The following BCAS3 variants were observed in gnomAD, a reference collection of about 807,000 sequenced individuals.
BCAS3 encodes BCAS3 microtubule associated cell migration factor.
Under a neutral mutation model 116.1 loss-of-function variants are expected in BCAS3, and 53 were observed. The observed-to-expected ratio is 0.46, with a 90% CI of 0.37 to 0.57. The LOEUF (loss-of-function observed/expected upper bound fraction) is 0.57. BCAS3 is among the 20% of genes least tolerant of loss of function. The probability of loss-of-function intolerance (pLI) is 0.00; values close to 1 mark genes in which losing one functional copy is unlikely to be tolerated. For missense variants in BCAS3, 917 were observed against 1,165.4 expected, an observed-to-expected ratio of 0.79 and a Z score of 3.10; for synonymous variants, 391 against 408.2, an observed-to-expected ratio of 0.96 and a Z score of 0.51.
Position 61,388,816 on chromosome 17 carries a change from C to T in BCAS3, c.2594-3161C>T. On this transcript the variant is annotated intron_variant, in intron 23 of 23. Coordinates refer to ENST00000407086, the MANE Select transcript of BCAS3 (RefSeq NM_017679.5). The surrounding 1 kb of genome is among the most constrained non-coding windows in gnomAD (Gnocchi z 6.5). The stretch of plus-strand genomic sequence containing the variant: ...TCCTCCCCTCCACTTCCCACACACA[C>T]CCCTGCCTGCAGGGGGAGGAGCAGA... 1.9e-6 allele frequency: 2 copies of T among 1,074,952 alleles called. No individual in the cohort carries two copies. Among genetic ancestry groups the T allele is most frequent in the East Asian group, 2.6e-5 (1 of 38,260 alleles). 66.6% of individuals were successfully genotyped at this position (1,074,952 alleles called of 1,614,324 possible). A position where few individuals can be genotyped will look rare whatever the true frequency, so the allele number is the denominator to read the frequency against.
chr17:60,943,784 A>G (rs777519730), intron 13 of BCAS3, among the ~76,000 whole-genome samples: 3 of 152,150 alleles, frequency 2.0e-5, no homozygotes, highest in Non-Finnish European at 4.4e-5. Flanking sequence ...TAACAAATGT[A>G]AAAGAAGTAA....
chr17:61,190,248 G>C (rs1323156032), intron 22 of BCAS3, among the ~76,000 whole-genome samples: 1 of 152,080 alleles, frequency 6.6e-6, no homozygotes, highest in Non-Finnish European at 1.5e-5. Flanking sequence ...TAGCTTGGCT[G>C]GGTGCGGTGG....
rs1372000133 is a variant in BCAS3 at position 61,213,024 on chromosome 17, CTAGA to C, written c.2425+128464_2425+128467del. Among the ~76,000 whole-genome samples the C allele has an allele frequency of 6.6e-6, 1 of 152,090 alleles. No homozygotes were observed. The highest frequency in any genetic ancestry group is 2.4e-5 in the African/African-American group (1 of 41,424). ...TTTATGTTTTAGATTTGAATCCCAACTAGATAGTTTGGGATAGTTCTTTGGGGCA... is the reference window on the plus strand; with the variant it reads ...TTTATGTTTTAGATTTGAATCCCAACTAGTTTGGGATAGTTCTTTGGGGCA... On this transcript the variant is annotated intron_variant, in intron 22 of 23. Coordinates refer to ENST00000407086, the MANE Select transcript of BCAS3 (RefSeq NM_017679.5). The surrounding 1 kb of genome is among the most constrained non-coding windows in gnomAD (Gnocchi z 5.4).
intron 17 of BCAS3, among the ~76,000 whole-genome samples, chr17:61,035,582 C>CAAAA (rs61144658): frequency 1.5e-4 from 10 of 65,248 alleles, no homozygotes; most frequent in African/African-American, 4.9e-4. Context: ...GACTCCATCT[C>CAAAA]AAAAAAAAAA....
intron 11 of BCAS3, among the ~76,000 whole-genome samples, chr17:60,909,983 G>C (rs1371208466): frequency 6.6e-6 from 1 of 152,136 alleles, no homozygotes; most frequent in Non-Finnish European, 1.5e-5. Flanking sequence ...GACAGAGATT[G>C]TGTTTTCCAT....
chr17:61,169,309 A>G (rs946956403), intron 22 of BCAS3, among the ~76,000 whole-genome samples: 4 of 152,242 alleles, frequency 2.6e-5, no homozygotes. Context: ...GTTTTTGAGA[A>G]GTCTGGAATG....
In BCAS3 at chr17:61,337,206, A is replaced by C. The variant is rs1214103266; in HGVS notation, c.2426-31121A>C. On this transcript the variant is annotated intron_variant, in intron 22 of 23. Coordinates refer to ENST00000407086, the MANE Select transcript of BCAS3 (RefSeq NM_017679.5). The surrounding 1 kb of genome is among the most constrained non-coding windows in gnomAD (Gnocchi z 4.8). ...TTTTATACTTTATTTAAATCGCCTC[A>C]CCCGAGTGGAACAGGGACGTGAGCC... Among the ~76,000 whole-genome samples, 1 of 152,150 alleles carries C rather than the reference A, an allele frequency of 6.6e-6. No homozygotes were observed.
At chr17:60,686,120 G>A (rs1163855594) in intron 3 of BCAS3, among the ~76,000 whole-genome samples, 3 of 151,796 alleles carry the variant, frequency 2.0e-5, no homozygotes, top group African/African-American at 4.8e-5. Flanking sequence ...TGCCTGCCTC[G>A]GCCTCCCAAA....
rs957672806 is a variant in BCAS3 at position 60,799,604 on chromosome 17, C to G, written c.404-8400C>G. Among the ~76,000 whole-genome samples, 28 of 145,016 alleles carry G rather than the reference C, an allele frequency of 1.9e-4. No individual in the cohort carries two copies. The East Asian group carries it at 5.3e-3, about 27-fold the overall frequency. Reference sequence around the variant, plus strand: ...AGTGCAGTGGCCTGATCTTGGCTCCCTGCAGCCTCTGCCTCCTGGAGTCAA... The same window carrying G: ...AGTGCAGTGGCCTGATCTTGGCTCCGTGCAGCCTCTGCCTCCTGGAGTCAA... On this transcript the variant is annotated intron_variant, in intron 6 of 23. Transcript: ENST00000407086.
At position 61,105,672 on chromosome 17, in the gene BCAS3, C is replaced by T. The variant is rs2074600615; in HGVS notation, c.2425+21108C>T. On this transcript the variant is annotated intron_variant, in intron 22 of 23. Transcript: ENST00000407086. The surrounding 1 kb of genome is among the most constrained non-coding windows in gnomAD (Gnocchi z 4.3). Reference sequence around the variant, plus strand: ...GAACTCCCCACCTCAGGTGATCCACCTGCCTCGGCCTCCCAAAGTGCTGGG... The same window carrying T: ...GAACTCCCCACCTCAGGTGATCCACTTGCCTCGGCCTCCCAAAGTGCTGGG... Among the ~76,000 whole-genome samples, 1 of 152,068 alleles carries T rather than the reference C, an allele frequency of 6.6e-6. No individual in the cohort carries two copies. Among genetic ancestry groups the T allele is most frequent in the Non-Finnish European group, 1.5e-5 (1 of 67,998 alleles).
At chr17:60,999,515 C>G (rs2064082204) in intron 15 of BCAS3, among the ~76,000 whole-genome samples, 1 of 148,764 alleles carries the variant, frequency 6.7e-6, no homozygotes, top group Admixed American at 6.7e-5. Context: ...CCATTGCACT[C>G]CAGCCTGGGC....
In BCAS3 at chr17:61,151,895, A is replaced by C. The variant is rs1387914548; in HGVS notation, c.2425+67331A>C. Reference sequence around the variant, plus strand: ...CGTGAATGTTCCTAAAATGCACCAGACTTACTATAAGAAGTATGGCAAGCA... The same window carrying C: ...CGTGAATGTTCCTAAAATGCACCAGCCTTACTATAAGAAGTATGGCAAGCA... On this transcript the variant is annotated intron_variant, in intron 22 of 23. Transcript: ENST00000407086. This position sits in a 1 kb window ranked among gnomAD's most constrained non-coding sequence, Gnocchi z 4.8. Among the ~76,000 whole-genome samples the C allele has an allele frequency of 6.6e-6, 1 of 152,154 alleles. No individual in the cohort carries two copies. The highest frequency in any genetic ancestry group is 1.9e-4 in the East Asian group (1 of 5,192).
At position 61,321,152 on chromosome 17, in the gene BCAS3, A is replaced by G. The variant is rs72834639; in HGVS notation, c.2426-47175A>G. ...TTTTTTTCTAATGAGATTTACAAAC[A>G]TAACTAAAAATATATCTCCAGCTTC... On this transcript the variant is annotated intron_variant, in intron 22 of 23. Coordinates refer to ENST00000407086, the MANE Select transcript of BCAS3 (RefSeq NM_017679.5). Among the ~76,000 whole-genome samples the G allele has an allele frequency of 7.6e-3, 1,155 of 152,272 alleles. 7 individuals carry two copies. The highest frequency in any genetic ancestry group is 0.014 in the Non-Finnish European group (926 of 68,030).
intron 11 of BCAS3, among the ~76,000 whole-genome samples, chr17:60,903,639 C>T (rs2058037539): frequency 6.6e-6 from 1 of 152,094 alleles, no homozygotes; most frequent in South Asian, 2.1e-4. Flanking sequence ...TGCCATGTTA[C>T]GCAGGCTGGT....
chr17:61,260,907 C>T (rs1040988825), intron 22 of BCAS3, among the ~76,000 whole-genome samples: 3 of 152,160 alleles, frequency 2.0e-5, no homozygotes, highest in African/African-American at 7.2e-5. Context: ...TTGCTCTACT[C>T]TAGTGTACTG....
At position 61,333,263 on chromosome 17, in the gene BCAS3, T is replaced by G. The variant is rs966525709; in HGVS notation, c.2426-35064T>G. 5.3e-5 allele frequency among the ~76,000 whole-genome samples: 8 copies of G among 152,198 alleles called. No individual in the cohort carries two copies. Among genetic ancestry groups the G allele is most frequent in the African/African-American group, 1.9e-4 (8 of 41,462 alleles). The stretch of plus-strand genomic sequence containing the variant: ...GGTCCCTCAGACCTTGCCAGCCACT[T>G]CTGCGGTGGTTGTCGGTCTTGGAAA... On this transcript the variant is annotated intron_variant, in intron 22 of 23. Coordinates refer to ENST00000407086, the MANE Select transcript of BCAS3 (RefSeq NM_017679.5). This position sits in a 1 kb window ranked among gnomAD's most constrained non-coding sequence, Gnocchi z 4.8.
chr17:60,843,275 G>A (rs1279487733), intron 7 of BCAS3, among the ~76,000 whole-genome samples: 2 of 150,644 alleles, frequency 1.3e-5, no homozygotes, highest in Non-Finnish European at 3.0e-5. Context: ...GGAGTGCAGT[G>A]GCACGATCTC....
At chr17:60,924,330 G>C in intron 12 of BCAS3, 77 bp from the exon 13 acceptor site, 1 of 1,205,718 alleles carries the variant, frequency 8.3e-7, no homozygotes, top group Non-Finnish European at 1.2e-6. Context: ...GGTTTGTGAT[G>C]TGCCTTCTTA....
intron 22 of BCAS3, among the ~76,000 whole-genome samples, chr17:61,155,649 A>G (rs1040285267): frequency 6.6e-6 from 1 of 152,252 alleles, no homozygotes; most frequent in Non-Finnish European, 1.5e-5. Context: ...CGACAGTCAT[A>G]CAAGCGAGAA....
Sources: gnomAD v4.1 joint callset for allele counts (sites outside exome capture counted in the v4.1 genomes callset) on GRCh38, gnomAD v4.1.1 for gene constraint, Gnocchi (gnomAD v3.1) non-coding constraint, MANE v1.5 for transcripts, NCBI Gene and HGNC (gene_info 2026-07-23, HGNC 2026-07-21) for gene names.